The following ADGRG7 variants were observed in gnomAD, a reference collection of about 807,000 sequenced individuals.
ADGRG7 encodes the protein adhesion G protein-coupled receptor G7.
Under a neutral mutation model 88.6 loss-of-function variants are expected in ADGRG7, and 82 were observed. The observed-to-expected ratio is 0.93, with a 90% confidence interval of 0.77 to 1.11. ADGRG7 has a LOEUF of 1.11. Among genes scored for constraint, ADGRG7 ranks in the 50% most tolerant of loss-of-function variants. ADGRG7 has a pLI of 0.00. For missense variants in ADGRG7, 945 were observed against 953.4 expected (o/e 0.99, Z 0.12); for synonymous variants, 381 against 345.2 (o/e 1.10, Z -1.15).
At position 100,629,611 on chromosome 3, in the gene ADGRG7, C is replaced by T. The variant is rs201387850; in HGVS notation, c.129C>T (p.Ser43=). The part of the protein sequence containing the change: ...VIRIQRGKST[S]SSSTPTEFCR... ...TTGTTTCTTTAGGAAAATCTACTTC[C>T]TCATCAAGCACCCCTACAGAGTTCT... Residue 43 remains serine, a synonymous_variant, in exon 2 of 16, where the codon TCC becomes TCT. Coordinates refer to ENST00000273352, the MANE Select transcript of ADGRG7 (RefSeq NM_032787.3). The T allele has an allele frequency of 1.9e-6, 3 of 1,611,906 alleles. No homozygotes were observed. The highest frequency in any genetic ancestry group is 2.2e-5 in the East Asian group (1 of 44,818).
chr3:100,682,875 G>A (rs531290414), intron 15 of ADGRG7, among the ~76,000 whole-genome samples: 11 of 152,144 alleles, frequency 7.2e-5, no homozygotes, highest in Non-Finnish European at 1.3e-4. Context: ...GCTGCTGACC[G>A]AGGCATCTTT....
At chr3:100,624,453 A>C (rs1165258) in intron 1 of ADGRG7, among the ~76,000 whole-genome samples, 42,143 of 152,002 alleles carry the variant, frequency 0.28, 6,326 homozygotes, top group Non-Finnish European at 0.34. Context: ...TGCAATGAAG[A>C]GATTGCAAAA....
intron 1 of ADGRG7, among the ~76,000 whole-genome samples, chr3:100,624,145 A>T (rs1559671115): frequency 6.6e-6 from 1 of 152,116 alleles, no homozygotes; most frequent in South Asian, 2.1e-4. Context: ...ACTAATTTAC[A>T]CTCCCACCAA....
chr3:100,663,656 A>G (rs188435578), intron 14 of ADGRG7, among the ~76,000 whole-genome samples: 10 of 152,148 alleles, frequency 6.6e-5, no homozygotes, highest in African/African-American at 2.2e-4. Flanking sequence ...AAAATAAAAT[A>G]CAAAGAACAT....
At chr3:100,651,094 C>A (rs6770559) in intron 11 of ADGRG7, among the ~76,000 whole-genome samples, 1 of 151,958 alleles carries the variant, frequency 6.6e-6, no homozygotes, top group African/African-American at 2.4e-5. Flanking sequence ...CTTTTCTTCC[C>A]CTTTTCACAT....
chr3:100,633,284 C>A lies in ADGRG7; in HGVS notation c.354C>A (p.Val118=). 1.3e-6 allele frequency: 2 copies of A among 1,490,140 alleles called. No homozygotes were observed. Among genetic ancestry groups the A allele is most frequent in the Non-Finnish European group, 1.8e-6 (2 of 1,117,194 alleles). The allele number at this position is 1,490,140 out of a possible 1,614,324, so 92.3% of individuals were successfully genotyped here. A position where few individuals can be genotyped will look rare whatever the true frequency, so the allele number is the denominator to read the frequency against. The change falls in exon 4 of 16, where the codon GTC becomes GTA. Residue 118 remains valine (V), a synonymous_variant. Transcript: ENST00000273352. The part of the protein sequence containing the change: ...DTPNAGNPMA[V]RLCSLSLYGE... ...TTAAAGCGGGCAATCCAATGGCAGT[C>A]CGGTTGTGCAGTCTCTCTCTATATG...
chr3:100,639,372 TA>T (rs958269083), intron 6 of ADGRG7, among the ~76,000 whole-genome samples: 5 of 152,190 alleles, frequency 3.3e-5, no homozygotes, highest in Admixed American at 6.5e-5. Flanking sequence ...TTATGACAAG[TA>T]CCTACTTAGC....
At chr3:100,691,803 A>G (rs2094994468) in intron 15 of ADGRG7, among the ~76,000 whole-genome samples, 1 of 151,556 alleles carries the variant, frequency 6.6e-6, no homozygotes, top group African/African-American at 2.4e-5. Flanking sequence ...TTGTTTTGTA[A>G]ATGTTTTTGT....
rs1337439418 is a variant in ADGRG7, at chr3:100,648,326, A to G, written c.1267-1369A>G. 3.1e-5 allele frequency among the ~76,000 whole-genome samples: 3 copies of G among 96,292 alleles called. No homozygotes were observed. In the Admixed American group the frequency reaches 4.1e-4, roughly 13 times the overall value. 63.2% of individuals were successfully genotyped at this position (96,292 alleles called of 152,430 possible). On this transcript the variant is annotated intron_variant, in intron 10 of 15. Transcript: ENST00000273352. Reference sequence around the variant, plus strand: ...GATTAAAATTGCATGATTAAGAGCAAATCGGCTCTGAGTGAAAAATATTAT... The same window carrying G: ...GATTAAAATTGCATGATTAAGAGCAGATCGGCTCTGAGTGAAAAATATTAT...
chr3:100,626,969 C>T (rs1707387915), intron 1 of ADGRG7, among the ~76,000 whole-genome samples: 3 of 152,148 alleles, frequency 2.0e-5, no homozygotes, highest in Non-Finnish European at 2.9e-5. Context: ...GCTAAATTCA[C>T]TTATTAATTA....
At position 100,609,984 on chromosome 3, in the gene ADGRG7, T is replaced by C; in HGVS notation, c.115+13T>C. The C allele has an allele frequency of 1.3e-6, 2 of 1,597,776 alleles. No individual in the cohort carries two copies. The highest frequency in any genetic ancestry group is 1.7e-6 in the Non-Finnish European group (2 of 1,165,770). ...AGGATCCAAAGAGGTAATGTTGTCCTGCTATGTTTAACTCAGAGTAAGAGA... is the reference window on the plus strand; with the variant it reads ...AGGATCCAAAGAGGTAATGTTGTCCCGCTATGTTTAACTCAGAGTAAGAGA... On this transcript the variant is annotated intron_variant, in intron 1 of 15. Coordinates refer to ENST00000273352, the MANE Select transcript of ADGRG7 (RefSeq NM_032787.3).
At chr3:100,675,264 T>C (rs527802673) in intron 15 of ADGRG7, among the ~76,000 whole-genome samples, 12 of 152,220 alleles carry the variant, frequency 7.9e-5, no homozygotes, top group Admixed American at 2.6e-4. Flanking sequence ...TGTTGAAGTA[T>C]GTTCCTTCTA....
intron 15 of ADGRG7, among the ~76,000 whole-genome samples, chr3:100,683,211 G>A (rs938636360): frequency 1.8e-4 from 27 of 152,180 alleles, no homozygotes; most frequent in African/African-American, 6.0e-4. Context: ...CAAGAACTAG[G>A]GACCCACCAG....
At chr3:100,648,536 A>G (rs970476853) in intron 10 of ADGRG7, among the ~76,000 whole-genome samples, 2 of 152,212 alleles carry the variant, frequency 1.3e-5, no homozygotes, top group Admixed American at 1.3e-4. Context: ...ACAAAAATAT[A>G]CTGATATGGA....
chr3:100,665,515 G>A, intron 14 of ADGRG7: 2 of 473,316 alleles, frequency 4.2e-6, no homozygotes, highest in Non-Finnish European at 8.6e-6. Context: ...CTTCACTTGG[G>A]CACCTTTTTC....
chr3:100,668,868 T>A, intron 14 of ADGRG7, 81 bp from the exon 15 acceptor site: 1 of 1,035,496 alleles, frequency 9.7e-7, no homozygotes, highest in Non-Finnish European at 1.4e-6. Context: ...TGAATATACA[T>A]TCTAAATAGG....
intron 15 of ADGRG7, among the ~76,000 whole-genome samples, chr3:100,675,971 A>G (rs1378597994): frequency 2.0e-5 from 3 of 151,642 alleles, no homozygotes; most frequent in Non-Finnish European, 4.4e-5. Flanking sequence ...TTCATCTCTG[A>G]TCTTATTTAT....
At position 100,630,723 on chromosome 3, in the gene ADGRG7, G is replaced by T. The variant is rs1207585398; in HGVS notation, c.248G>T (p.Ser83Ile). 1 of 1,419,878 alleles carries T rather than the reference G, an allele frequency of 7.0e-7. No individual in the cohort carries two copies. Among genetic ancestry groups the T allele is most frequent in the Middle Eastern group, 2.0e-4 (1 of 5,098 alleles). 88.0% of individuals were successfully genotyped at this position (1,419,878 alleles called of 1,614,324 possible). ...RCTIANFCEN[S>I]TYMGFTFARI... is the part of the protein sequence containing the mutation. ...ATTACAGCTAATTTTTGTGAAAATA[G>T]TACCTATATGGGTTTTACTTTTGCC... Residue 83 changes from serine to isoleucine, a missense_variant, in exon 3 of 16, where the codon AGT becomes ATT. By Grantham distance (142) the Ser-to-Ile change is moderately radical. Transcript: ENST00000273352.
chr3:100,634,072 C>A (rs143550905), intron 4 of ADGRG7, among the ~76,000 whole-genome samples: 1 of 152,134 alleles, frequency 6.6e-6, no homozygotes, highest in African/African-American at 2.4e-5. Flanking sequence ...AAACCTGATG[C>A]GGGTCTCAGG....
Sources: allele counts gnomAD v4.1 joint callset (sites outside exome capture counted in the v4.1 genomes callset), GRCh38; gene constraint gnomAD v4.1.1; transcripts MANE v1.5; gene names NCBI Gene and HGNC (gene_info 2026-07-23, HGNC 2026-07-21).